Variants in FAM234A observed in about 807,000 individuals in gnomAD.
The protein encoded by FAM234A is family with sequence similarity 234 member A.
A neutral mutation model predicts 49.1 loss-of-function variants in FAM234A; 42 were observed. The observed-to-expected ratio is 0.86, with a 90% CI of 0.67 to 1.11. The LOEUF is 1.11. Among genes scored for constraint, FAM234A ranks in the 50% least tolerant of loss-of-function variants. The pLI, the probability that FAM234A is intolerant of heterozygous loss-of-function variation, is 0.00. For synonymous variants in FAM234A, 369 were observed against 316.2 expected (o/e 1.17, Z -1.77); for missense variants, 815 against 745.2 (o/e 1.09, Z -1.09).
intron 3 of FAM234A, among the ~76,000 whole-genome samples, chr16:256,044 C>T (rs1242365878): frequency 1.3e-5 from 2 of 152,172 alleles, no homozygotes; most frequent in African/African-American, 4.8e-5. Context: ...GATGTTTTGC[C>T]GTTCGTTTGT....
chr16:262,825 G>GTT (rs1039426121), intron 8 of FAM234A, among the ~76,000 whole-genome samples: 9 of 138,594 alleles, frequency 6.5e-5, no homozygotes, highest in Non-Finnish European at 7.9e-5. Flanking sequence ...TTTTTTGGTT[G>GTT]TTTTTTTTTT....
At chr16:261,538 C>T (rs943677122) in intron 6 of FAM234A, 24 bp downstream of exon 6, 2 of 1,562,770 alleles carry the variant, frequency 1.3e-6, no homozygotes, top group African/African-American at 2.7e-5. Flanking sequence ...TGGCTCTGCT[C>T]CCAAGTCACG....
intron 1 of FAM234A, among the ~76,000 whole-genome samples, chr16:236,046 G>A (rs997356794): frequency 6.6e-6 from 1 of 151,940 alleles, no homozygotes; most frequent in Non-Finnish European, 1.5e-5. Flanking sequence ...CCAGTTACTC[G>A]GGTTCAAGCG....
rs151277693 is a variant in FAM234A at position 255,873 on chromosome 16, G to A, written c.268+1192G>A. Among the ~76,000 whole-genome samples the A allele has an allele frequency of 8.0e-3, 1,222 of 152,282 alleles. 9 individuals are homozygous for A. Among genetic ancestry groups the A allele is most frequent in the Non-Finnish European group, 0.013 (889 of 68,036 alleles). ...AGATGGGGTTTCTCCGTGTTGGTCA[G>A]GCTGGTCTCAAACTCCCGACCTCAG... On this transcript the variant is annotated intron_variant, in intron 3 of 12. Coordinates refer to ENST00000399932, the MANE Select transcript of FAM234A (RefSeq NM_032039.4).
At position 249,572 on chromosome 16, in the gene FAM234A, C is replaced by G. The variant is rs998936756; in HGVS notation, c.-116C>G. 6.6e-6 allele frequency: 1 copy of G among 152,070 alleles called. No individual in the cohort carries two copies. The highest frequency in any genetic ancestry group is 1.9e-4 in the East Asian group (1 of 5,196). 9.4% of individuals were successfully genotyped at this position (152,070 alleles called of 1,614,324 possible). ...AGGTCCACCTGGGCTTGCGAAGGCACAGATTCCCCGTCCACAGCTCACGAC... is the reference window on the plus strand; with the variant it reads ...AGGTCCACCTGGGCTTGCGAAGGCAGAGATTCCCCGTCCACAGCTCACGAC... On this transcript the variant is annotated 5_prime_UTR_variant, in exon 2 of 13. Transcript: ENST00000399932.
At chr16:241,152 C>T (rs1192635457) in intron 1 of FAM234A, among the ~76,000 whole-genome samples, 1 of 152,006 alleles carries the variant, frequency 6.6e-6, no homozygotes, top group East Asian at 1.9e-4. Context: ...AACTCCTGCG[C>T]TCGAGTGATC....
At chr16:246,048 C>G (rs1296625236) in intron 1 of FAM234A, among the ~76,000 whole-genome samples, 1 of 151,370 alleles carries the variant, frequency 6.6e-6, no homozygotes, top group Non-Finnish European at 1.5e-5. Flanking sequence ...ACTAAAAATA[C>G]AAAAATTAGC....
intron 5 of FAM234A, 111 bp downstream of exon 5, chr16:260,271 G>C: frequency 9.6e-7 from 1 of 1,044,458 alleles, no homozygotes; most frequent in Non-Finnish European, 1.4e-6. Context: ...TGATCTTGAG[G>C]GTGGCTGGAT....
intron 3 of FAM234A, among the ~76,000 whole-genome samples, chr16:255,407 C>G (rs2051192594): frequency 6.6e-6 from 1 of 152,082 alleles, no homozygotes; most frequent in Non-Finnish European, 1.5e-5. Context: ...GACCGCATCT[C>G]TACAAAAAAT....
chr16:260,659 T>C (rs1320614128), intron 5 of FAM234A: 1 of 472,014 alleles, frequency 2.1e-6, no homozygotes, highest in Non-Finnish European at 4.4e-6. Flanking sequence ...GGGCCATGTG[T>C]GTGTGTGGGC....
Position 261,456 on chromosome 16 carries a change from C to G in FAM234A, c.650C>G (p.Pro217Arg), listed in dbSNP as rs1227942830. 1 of 1,613,468 alleles carries G rather than the reference C, an allele frequency of 6.2e-7. No individual in the cohort carries two copies. The highest frequency in any genetic ancestry group is 1.7e-5 in the Admixed American group (1 of 60,010). The change falls in exon 6 of 13, where the codon CCT becomes CGT. Residue 217 changes from proline to arginine, a missense_variant. By Grantham distance (103) the Pro-to-Arg change is moderately radical. Coordinates refer to ENST00000399932, the MANE Select transcript of FAM234A (RefSeq NM_032039.4). The stretch of plus-strand genomic sequence containing the variant: ...ATCCTGAGCCCTCTGCTGCAGGTGC[C>G]TGATGTGGACGGCGATGGGGCCCCA... ...ASILSPLLQV[P>R]DVDGDGAPDL...
At chr16:258,554 C>A (rs566121895) in intron 3 of FAM234A, among the ~76,000 whole-genome samples, 2 of 152,224 alleles carry the variant, frequency 1.3e-5, no homozygotes, top group Admixed American at 1.3e-4. Context: ...ATGTCTACTT[C>A]TTTCTACACA....
intron 5 of FAM234A, chr16:261,074 ACG>A (rs2051446068): frequency 3.4e-6 from 1 of 292,630 alleles, no homozygotes; most frequent in Non-Finnish European, 6.7e-6. Context: ...GTTCCAGGAC[ACG>A]CAGATAGGAG....
chr16:252,183 TTG>T (rs1191529382), intron 2 of FAM234A, among the ~76,000 whole-genome samples: 2 of 130,054 alleles, frequency 1.5e-5, no homozygotes, highest in Non-Finnish European at 3.1e-5. Flanking sequence ...TTTCTGTTTT[TTG>T]TTTTTTTTTT....
chr16:266,958 C>T (rs1037495499), downstream of FAM234A, among the ~76,000 whole-genome samples: 1 of 152,088 alleles, frequency 6.6e-6, no homozygotes, highest in Admixed American at 6.5e-5. Flanking sequence ...AGCTGTGCCC[C>T]TGGCCATGGA....
At chr16:247,453 G>T (rs1479494267) in intron 1 of FAM234A, among the ~76,000 whole-genome samples, 1 of 150,850 alleles carries the variant, frequency 6.6e-6, no homozygotes, top group Non-Finnish European at 1.5e-5. Flanking sequence ...TTTTTTTTAA[G>T]AGAAGTCTTG....
At chr16:245,501 G>A (rs970271760) in intron 1 of FAM234A, among the ~76,000 whole-genome samples, 4 of 152,146 alleles carry the variant, frequency 2.6e-5, no homozygotes, top group African/African-American at 9.7e-5. Context: ...TTCCCCACTG[G>A]GGTCCTTGCC....
At chr16:258,554 C>T (rs566121895) in intron 3 of FAM234A, among the ~76,000 whole-genome samples, 15 of 152,342 alleles carry the variant, frequency 9.8e-5, no homozygotes, top group African/African-American at 3.4e-4. Flanking sequence ...ATGTCTACTT[C>T]TTTCTACACA....
chr16:263,483 A>T, intron 9 of FAM234A, 81 bp downstream of exon 9: 1 of 1,560,186 alleles, frequency 6.4e-7, no homozygotes, highest in Non-Finnish European at 8.7e-7. Flanking sequence ...TGGCGAGGAG[A>T]CAGCGCTGGG....
Sources: gnomAD v4.1 joint callset for allele counts (sites outside exome capture counted in the v4.1 genomes callset) on GRCh38, gnomAD v4.1.1 for gene constraint, MANE v1.5 for transcripts, NCBI Gene and HGNC (gene_info 2026-07-23, HGNC 2026-07-21) for gene names.